MLKL: variants seen among roughly 807,000 people sequenced by gnomAD.
MLKL encodes mixed lineage kinase domain-like protein.
A neutral mutation model predicts 56.5 loss-of-function variants in MLKL; 55 were observed. The observed-to-expected ratio is 0.97, with a 90% CI of 0.78 to 1.22. MLKL has a LOEUF of 1.22. Among genes scored for constraint, MLKL ranks in the 50% most tolerant of loss-of-function variants. The pLI, the probability that MLKL is intolerant of heterozygous loss-of-function variation, is 0.00. For missense variants in MLKL, 694 were observed against 573.9 expected (o/e 1.21, Z -2.14); for synonymous variants, 251 against 208.3 (o/e 1.20, Z -1.76).
At chr16:74,677,675 T>A (rs551220173) in intron 7 of MLKL, 2 of 152,366 alleles carry the variant, frequency 1.3e-5, no homozygotes, top group South Asian at 4.1e-4. Context: ...CTCTTTTCTT[T>A]TCTTTTTTCT....
chr16:74,679,091 A>G, intron 6 of MLKL, 111 bp from the exon 7 acceptor site: 1 of 772,116 alleles, frequency 1.3e-6, no homozygotes, highest in South Asian at 1.6e-5. Context: ...GTGCCTGTCC[A>G]CAGTTACACA....
chr16:74,684,419 T>C (rs1472230854), intron 5 of MLKL, among the ~76,000 whole-genome samples: 4 of 117,138 alleles, frequency 3.4e-5, no homozygotes, highest in East Asian at 2.4e-4. Flanking sequence ...TGCAGTCACA[T>C]TGGGAAAAAA....
At chr16:74,682,100 A>C (rs1009502153) in intron 6 of MLKL, among the ~76,000 whole-genome samples, 2 of 151,442 alleles carry the variant, frequency 1.3e-5, no homozygotes, top group Non-Finnish European at 2.9e-5. Flanking sequence ...ATATATAAAA[A>C]AAAAACTGGC....
chr16:74,672,877 A>T (rs1567596644), intron 10 of MLKL, among the ~76,000 whole-genome samples: 2 of 152,210 alleles, frequency 1.3e-5, no homozygotes, highest in Non-Finnish European at 2.9e-5. Context: ...GGAGGACAGC[A>T]TTGTATAAAT....
intron 10 of MLKL, among the ~76,000 whole-genome samples, chr16:74,674,232 A>C (rs1280374937): frequency 1.3e-5 from 2 of 149,284 alleles, no homozygotes; most frequent in East Asian, 2.0e-4. Context: ...CTGACTCTGC[A>C]ACCTCTGCCT....
chr16:74,672,228 C>G lies in MLKL; in HGVS notation c.*276G>C, dbSNP rs1959271630. On this transcript the variant is annotated 3_prime_UTR_variant, in exon 11 of 11. Transcript: ENST00000308807. ...AGACTTCATTTATGGAAGGGAGGAG[C>G]TGCAAATTTCATTGCCAAGAGGTGT... 3.0e-6 allele frequency: 1 copy of G among 333,068 alleles called. No individual in the cohort carries two copies. 20.6% of individuals were successfully genotyped at this position (333,068 alleles called of 1,614,324 possible).
chr16:74,691,456 TG>T lies in MLKL; in HGVS notation c.542del (p.Pro181HisfsTer29). 1 of 1,612,578 alleles carries T rather than the reference TG, an allele frequency of 6.2e-7. No homozygotes were observed. The highest frequency in any genetic ancestry group is 8.5e-7 in the Non-Finnish European group (1 of 1,179,704). ...GCGGGATCTCCTGCATGCATTTTGG[TG>T]GTAAATCTGACCTCACCCCCGAGAG... ...EIKETLRQYL[P>X]PKCMQEIPQE... On this transcript the variant is annotated frameshift_variant, in exon 4 of 11. Coordinates refer to ENST00000308807, the MANE Select transcript of MLKL (RefSeq NM_152649.4). LOFTEE classifies it high-confidence loss of function.
chr16:74,700,529 C>A lies in MLKL; in HGVS notation c.-79G>T, dbSNP rs1238814886. On this transcript the variant is annotated 5_prime_UTR_variant, in exon 1 of 11. Coordinates refer to ENST00000308807, the MANE Select transcript of MLKL (RefSeq NM_152649.4). The stretch of plus-strand genomic sequence containing the variant: ...AAAAGCTCGCTCTTCCACCTTCTTT[C>A]CCACGACCGCCTCCTGCCCAGGCGA... The A allele has an allele frequency of 6.5e-6, 1 of 152,944 alleles. No individual in the cohort carries two copies. The highest frequency in any genetic ancestry group is 1.9e-4 in the East Asian group (1 of 5,218). 9.5% of individuals were successfully genotyped at this position (152,944 alleles called of 1,614,324 possible).
chr16:74,674,860 C>T, intron 10 of MLKL, 100 bp downstream of exon 10: 4 of 1,433,348 alleles, frequency 2.8e-6, no homozygotes, highest in Non-Finnish European at 1.9e-6. Flanking sequence ...AAAACCACCC[C>T]TCGTTGTAAA....
intron 4 of MLKL, among the ~76,000 whole-genome samples, chr16:74,686,814 G>C (rs753160680): frequency 6.6e-5 from 10 of 152,132 alleles, no homozygotes; most frequent in Non-Finnish European, 1.3e-4. Context: ...AAAATCAATT[G>C]TATTTCTATC....
chr16:74,686,496 C>T (rs57355472), intron 4 of MLKL, among the ~76,000 whole-genome samples: 9 of 152,066 alleles, frequency 5.9e-5, no homozygotes, highest in East Asian at 1.9e-4. Flanking sequence ...GGCAGGAGAA[C>T]GGCGTGAACC....
Position 74,693,469 on chromosome 16 carries a change from GA to G in MLKL, c.461-1054del, listed in dbSNP as rs368453648. 2.6e-3 allele frequency among the ~76,000 whole-genome samples: 274 copies of G among 107,366 alleles called. 2 individuals carry two copies. The highest frequency in any genetic ancestry group is 8.9e-3 in the African/African-American group (240 of 27,002). The allele number at this position is 107,366 out of a possible 152,430, so 70.4% of individuals were successfully genotyped here. On this transcript the variant is annotated intron_variant, in intron 2 of 10. Transcript: ENST00000308807. ...ACTCTGTCTCAAAAAAAAAAAAAAA[GA>G]AAAGAAAAAAGAAAGAAAGAAAGAA...
chr16:74,682,017 A>G (rs945165221), intron 6 of MLKL, among the ~76,000 whole-genome samples: 1 of 152,064 alleles, frequency 6.6e-6, no homozygotes, highest in African/African-American at 2.4e-5. Flanking sequence ...AAGCTGAGGC[A>G]GGAGGATTGC....
chr16:74,684,403 A>T (rs1423733773), intron 5 of MLKL, among the ~76,000 whole-genome samples: 2 of 144,814 alleles, frequency 1.4e-5, no homozygotes. Context: ...ATTCCATGAG[A>T]GAAAATGCAG....
intron 7 of MLKL, chr16:74,677,209 C>G (rs1032510388): frequency 2.6e-5 from 4 of 152,212 alleles, no homozygotes; most frequent in African/African-American, 9.7e-5. Context: ...CCTGCCACCA[C>G]GCCTGGCCAA....
chr16:74,691,560 G>A (rs993302599), intron 3 of MLKL, 97 bp from the exon 4 acceptor site: 9 of 1,331,350 alleles, frequency 6.8e-6, no homozygotes, highest in South Asian at 1.4e-5. Context: ...TGAGTGGGAA[G>A]CTCTACTACA....
intron 5 of MLKL, among the ~76,000 whole-genome samples, 189 bp from the exon 6 acceptor site, chr16:74,682,975 A>G (rs1960085622): frequency 6.6e-6 from 1 of 151,920 alleles, no homozygotes; most frequent in East Asian, 1.9e-4. Flanking sequence ...CAGAATTCCC[A>G]TCCTCTTCTC....
chr16:74,692,462 C>G lies in MLKL; in HGVS notation c.461-46G>C, dbSNP rs781569492. On this transcript the variant is annotated intron_variant, in intron 2 of 10. Coordinates refer to ENST00000308807, the MANE Select transcript of MLKL (RefSeq NM_152649.4). The stretch of plus-strand genomic sequence containing the variant: ...ATATGCTCAAAATAGATATTAAAAT[C>G]ACACGCCAATCAAAACTAAAATGCT... 17 of 1,486,090 alleles carry G rather than the reference C, an allele frequency of 1.1e-5. No homozygotes were observed. In the Admixed American group the frequency reaches 3.3e-4, roughly 29 times the overall value. The allele number at this position is 1,486,090 out of a possible 1,614,324, so 92.1% of individuals were successfully genotyped here.
intron 2 of MLKL, among the ~76,000 whole-genome samples, chr16:74,693,477 A>AAAAAAAAGAAAG (rs1960811625): frequency 1.6e-5 from 2 of 124,606 alleles, no homozygotes; most frequent in Non-Finnish European, 3.2e-5. Context: ...AAGAAAAGAA[A>AAAAAAAAGAAAG]AAAGAAAGAA....
Sources: gnomAD v4.1 joint callset for allele counts (sites outside exome capture counted in the v4.1 genomes callset) on GRCh38, gnomAD v4.1.1 for gene constraint, MANE v1.5 for transcripts, NCBI Gene and HGNC (gene_info 2026-07-23, HGNC 2026-07-21) for gene names.